Variants in LRRC37A2 observed in about 807,000 individuals in gnomAD.
LRRC37A2 encodes leucine rich repeat containing 37 member A2, also known as leucine-rich repeat-containing protein 37A2.
Under a neutral mutation model 68.8 loss-of-function variants are expected in LRRC37A2, and 9 were observed. That is an observed-to-expected ratio of 0.13 (90% confidence interval 0.08 to 0.23). The LOEUF is 0.23. LRRC37A2 is among the 10% of genes least tolerant of loss of function. LRRC37A2 has a pLI of 1.00. For synonymous variants in LRRC37A2, 63 were observed against 367.6 expected, an observed-to-expected ratio of 0.17 and a Z score of 9.48; for missense variants, 168 against 950.4, an observed-to-expected ratio of 0.18 and a Z score of 10.82.
At chr17:47,007,272 G>C in the LRRC37A2 span, among the ~76,000 whole-genome samples, 10 of 152,230 alleles carry the variant, frequency 6.6e-5, no homozygotes, top group African/African-American at 2.4e-4. Context: ...CCGCCTCCTG[G>C]GTTCAAGCAA....
At chr17:46,788,308 C>A in the LRRC37A2 span, among the ~76,000 whole-genome samples, 1 of 152,174 alleles carries the variant, frequency 6.6e-6, no homozygotes, top group Non-Finnish European at 1.5e-5. Context: ...CTGACCCCTC[C>A]AAACCCTAAG....
the LRRC37A2 span, chr17:46,923,798 A>G: frequency 2.5e-6 from 1 of 404,796 alleles, no homozygotes; most frequent in African/African-American, 2.1e-5. Flanking sequence ...AGTTTCTCAT[A>G]ACTTAAATTC....
the LRRC37A2 span, among the ~76,000 whole-genome samples, chr17:46,758,490 G>C: frequency 5.3e-4 from 81 of 152,152 alleles, no homozygotes; most frequent in African/African-American, 1.9e-3. Context: ...TGCTGCCTTA[G>C]GTTTCTTCAT....
the LRRC37A2 span, among the ~76,000 whole-genome samples, chr17:46,991,871 C>T: frequency 6.6e-6 from 1 of 152,216 alleles, no homozygotes; most frequent in Non-Finnish European, 1.5e-5. Context: ...GCCATAATGG[C>T]AGAATTCAGC....
At chr17:46,392,213 C>CTTTTTTT in the LRRC37A2 span, among the ~76,000 whole-genome samples, 2 of 59,410 alleles carry the variant, frequency 3.4e-5, no homozygotes, top group African/African-American at 5.6e-5. Flanking sequence ...TTTCTTTTTT[C>CTTTTTTT]TTTTTTTTTT....
the LRRC37A2 span, among the ~76,000 whole-genome samples, chr17:46,494,321 T>A: frequency 6.7e-6 from 1 of 148,950 alleles, no homozygotes; most frequent in Non-Finnish European, 1.5e-5. Flanking sequence ...AACCACATTT[T>A]TTCTTTTACA....
the LRRC37A2 span, among the ~76,000 whole-genome samples, chr17:46,467,683 T>G: frequency 9.7e-6 from 1 of 102,842 alleles, no homozygotes; most frequent in African/African-American, 3.7e-5. Context: ...AATGGCTTGA[T>G]GTACTCAGCT....
the LRRC37A2 span, chr17:46,749,814 T>A: frequency 1.2e-6 from 2 of 1,614,096 alleles, no homozygotes; most frequent in Non-Finnish European, 1.7e-6. Flanking sequence ...GCCGCAAAGA[T>A]GTCCTTCAGG....
the LRRC37A2 span, among the ~76,000 whole-genome samples, chr17:46,963,073 A>C: frequency 6.6e-6 from 1 of 152,256 alleles, no homozygotes; most frequent in African/African-American, 2.4e-5. Flanking sequence ...AAGGGACTTC[A>C]CACTCTCAAC....
the LRRC37A2 span, among the ~76,000 whole-genome samples, chr17:46,811,326 A>G: frequency 6.6e-6 from 1 of 152,178 alleles, no homozygotes; most frequent in South Asian, 2.1e-4. Flanking sequence ...GTATGGAAAC[A>G]GAATGGGGGC....
chr17:46,941,605 G>A, the LRRC37A2 span: 189 of 208,774 alleles, frequency 9.1e-4, no homozygotes, highest in African/African-American at 4.2e-3. Flanking sequence ...AGACAGTCTC[G>A]CTCTGTCACC....
At chr17:46,384,130 T>TCC in the LRRC37A2 span, among the ~76,000 whole-genome samples, 2 of 76,786 alleles carry the variant, frequency 2.6e-5, no homozygotes, top group African/African-American at 7.4e-5. Flanking sequence ...ATTCTTTTTG[T>TCC]CCATATTTGC....
At chr17:46,789,593 C>CT in the LRRC37A2 span, among the ~76,000 whole-genome samples, 1 of 74,316 alleles carries the variant, frequency 1.3e-5, no homozygotes, top group Non-Finnish European at 3.1e-5. Flanking sequence ...GAGAGGTAAC[C>CT]TCTCAGGGAA....
At chr17:46,598,522 AGGT>A in the LRRC37A2 span, among the ~76,000 whole-genome samples, 1 of 152,256 alleles carries the variant, frequency 6.6e-6, no homozygotes, top group Admixed American at 6.5e-5. Context: ...AACCTAGTCG[AGGT>A]CATCTGTTTG....
chr17:46,476,685 A>AAAT, the LRRC37A2 span: 174 of 627,804 alleles, frequency 2.8e-4, 4 homozygotes, highest in African/African-American at 6.2e-4. Flanking sequence ...CTCTGTCTCA[A>AAAT]AATAATAATA....
chr17:46,884,637 A>G, the LRRC37A2 span, among the ~76,000 whole-genome samples: 3 of 152,206 alleles, frequency 2.0e-5, no homozygotes, highest in Non-Finnish European at 4.4e-5. Flanking sequence ...TGCTCTGCAG[A>G]GTGCCTCTCG....
the LRRC37A2 span, chr17:47,010,532 A>G: frequency 1.3e-5 from 2 of 152,448 alleles, no homozygotes; most frequent in African/African-American, 4.8e-5. Context: ...GCCAGTTTGC[A>G]TGGTTAAAAC....
chr17:46,545,814 G>A (rs1259011304), intron 8 of LRRC37A2, among the ~76,000 whole-genome samples: 7 of 149,382 alleles, frequency 4.7e-5, no homozygotes, highest in East Asian at 2.0e-4. Flanking sequence ...TTTTAACTCC[G>A]CAATCCAGGT....
At chr17:46,806,834 T>G in the LRRC37A2 span, among the ~76,000 whole-genome samples, 1 of 152,240 alleles carries the variant, frequency 6.6e-6, no homozygotes, top group East Asian at 1.9e-4. Context: ...CGCTCCCCTC[T>G]GCTCCTCCTT....
Sources: gnomAD v4.1 joint callset for allele counts (sites outside exome capture counted in the v4.1 genomes callset) on GRCh38, gnomAD v4.1.1 for gene constraint, MANE v1.5 for transcripts, NCBI Gene and HGNC (gene_info 2026-07-23, HGNC 2026-07-21) for gene names.